Variants in GNAL observed in about 807,000 individuals in gnomAD.
GNAL encodes the protein G protein subunit alpha L, also known as guanine nucleotide-binding protein G(olf) subunit alpha.
A neutral mutation model predicts 55.1 loss-of-function variants in GNAL; 18 were observed. The ratio of observed to expected loss-of-function variants is 0.33; its 90% CI spans 0.23 to 0.48. The LOEUF (loss-of-function observed/expected upper bound fraction) is 0.48. GNAL is among the 20% of genes least tolerant of loss of function. GNAL has a pLI of 0.99. For synonymous variants in GNAL, 253 were observed against 237.0 expected (o/e 1.07, Z -0.62); for missense variants, 412 against 614.1 (o/e 0.67, Z 3.48).
chr18:11,827,942 G>A (rs9963630), intron 5 of GNAL, among the ~76,000 whole-genome samples: 45,077 of 149,144 alleles, frequency 0.3, 8,067 homozygotes, highest in African/African-American at 0.5. Flanking sequence ...CTGCACTCCA[G>A]CCTGGGCGAC....
chr18:11,804,674 G>A (rs879628750), intron 4 of GNAL, among the ~76,000 whole-genome samples: 4 of 106,872 alleles, frequency 3.7e-5, no homozygotes, highest in Admixed American at 8.5e-5. Flanking sequence ...GTACAGGTGC[G>A]GTTTGGATGG....
At chr18:11,763,220 G>T (rs1273284819) in intron 4 of GNAL, among the ~76,000 whole-genome samples, 1 of 152,002 alleles carries the variant, frequency 6.6e-6, no homozygotes, top group East Asian at 1.9e-4. Flanking sequence ...CTAATGTGTG[G>T]CCACATTCAT....
At chr18:11,788,934 TATAC>T (rs1485888734) in intron 4 of GNAL, among the ~76,000 whole-genome samples, 212 of 135,482 alleles carry the variant, frequency 1.6e-3, no homozygotes, top group Middle Eastern at 0.012. Flanking sequence ...TATATATATA[TATAC>T]ACATATATAT....
At chr18:11,774,028 T>G (rs2033709879) in intron 4 of GNAL, among the ~76,000 whole-genome samples, 1 of 152,174 alleles carries the variant, frequency 6.6e-6, no homozygotes. Context: ...TGAAGCTTTT[T>G]GGGGGAATTA....
At chr18:11,798,975 C>T (rs1013955821) in intron 4 of GNAL, among the ~76,000 whole-genome samples, 5 of 151,868 alleles carry the variant, frequency 3.3e-5, no homozygotes, top group African/African-American at 7.3e-5. Flanking sequence ...TAGCTGTGCA[C>T]GGTGACGCAC....
At chr18:11,843,240 T>C (rs951376602) in intron 5 of GNAL, among the ~76,000 whole-genome samples, 3 of 151,810 alleles carry the variant, frequency 2.0e-5, no homozygotes, top group African/African-American at 7.3e-5. Context: ...GGCTCACGCC[T>C]GTAATCCTAG....
rs1203783633 is a variant in GNAL, at chr18:11,802,863, G to C, written c.625-22055G>C. Among the ~76,000 whole-genome samples the C allele has an allele frequency of 2.6e-5, 4 of 152,220 alleles. No individual in the cohort carries two copies. The East Asian group carries it at 7.8e-4, about 30-fold the overall frequency. On this transcript the variant is annotated intron_variant, in intron 4 of 11. Transcript: ENST00000334049. Reference sequence around the variant, plus strand: ...TGAGCAGAAGCTGGTAGAAGGGAAGGGCACGGCAGTGGCCCAAGGAGGCAG... The same window carrying C: ...TGAGCAGAAGCTGGTAGAAGGGAAGCGCACGGCAGTGGCCCAAGGAGGCAG...
intron 6 of GNAL, among the ~76,000 whole-genome samples, chr18:11,862,707 C>G (rs1323517388): frequency 6.6e-6 from 1 of 152,026 alleles, no homozygotes; most frequent in Non-Finnish European, 1.5e-5. Flanking sequence ...ATATGCCGTT[C>G]CTTTTCCTCC....
intron 5 of GNAL, among the ~76,000 whole-genome samples, chr18:11,832,808 C>T (rs1053850545): frequency 6.6e-6 from 1 of 151,316 alleles, no homozygotes; most frequent in African/African-American, 2.4e-5. Flanking sequence ...TTCAGTGAGC[C>T]GAGACCACGC....
At chr18:11,760,919 C>G (rs1382264408) in intron 4 of GNAL, among the ~76,000 whole-genome samples, 1 of 152,210 alleles carries the variant, frequency 6.6e-6, no homozygotes, top group Admixed American at 6.5e-5. Context: ...GAGATGATGG[C>G]AACACCTACT....
At chr18:11,841,115 C>A (rs2035604723) in intron 5 of GNAL, among the ~76,000 whole-genome samples, 1 of 152,066 alleles carries the variant, frequency 6.6e-6, no homozygotes. Flanking sequence ...CTCAAGCAAC[C>A]TGCCCACCTC....
At chr18:11,864,495 T>C in intron 6 of GNAL, 38 bp from the exon 7 acceptor site, 1 of 998,972 alleles carries the variant, frequency 1.0e-6, no homozygotes, top group Non-Finnish European at 1.6e-6. Flanking sequence ...AGAAGAACAG[T>C]AATGTAACTC....
chr18:11,781,310 G>A (rs542645395), intron 4 of GNAL, among the ~76,000 whole-genome samples: 2 of 152,242 alleles, frequency 1.3e-5, no homozygotes, highest in South Asian at 4.1e-4. Context: ...AATTTCCTTT[G>A]TATTACCCAA....
intron 4 of GNAL, among the ~76,000 whole-genome samples, chr18:11,791,665 G>C (rs2034241614): frequency 6.6e-6 from 1 of 152,176 alleles, no homozygotes; most frequent in South Asian, 2.1e-4. Flanking sequence ...CTTTATATTA[G>C]AGAATAACAG....
chr18:11,807,473 C>T (rs1331265870), intron 4 of GNAL, among the ~76,000 whole-genome samples: 2 of 152,202 alleles, frequency 1.3e-5, no homozygotes, highest in Admixed American at 6.5e-5. Context: ...AAGAGTATTT[C>T]CTTAAAGATC....
At chr18:11,880,861 A>T in intron 11 of GNAL, 128 bp from the exon 12 acceptor site, 1 of 915,974 alleles carries the variant, frequency 1.1e-6, no homozygotes, top group Non-Finnish European at 1.7e-6. Context: ...CCTGCCTCTA[A>T]GTGCTCCCAT....
chr18:11,749,422 A>C (rs769692081), intron 1 of GNAL, among the ~76,000 whole-genome samples: 1 of 152,228 alleles, frequency 6.6e-6, no homozygotes, highest in Non-Finnish European at 1.5e-5. Flanking sequence ...ATATTGAACA[A>C]ATATTTTTTA....
At chr18:11,706,695 A>G (rs1045085308) in intron 1 of GNAL, among the ~76,000 whole-genome samples, 1 of 152,212 alleles carries the variant, frequency 6.6e-6, no homozygotes, top group Non-Finnish European at 1.5e-5. Context: ...CATCTTCACC[A>G]GGAGAACATT....
chr18:11,730,555 G>A (rs954423988), intron 1 of GNAL, among the ~76,000 whole-genome samples: 2 of 151,860 alleles, frequency 1.3e-5, no homozygotes, highest in African/African-American at 4.8e-5. Context: ...CCTGAGGTCA[G>A]GAGTTCGAGA....
Sources: gnomAD v4.1 joint callset for allele counts (sites outside exome capture counted in the v4.1 genomes callset) on GRCh38, gnomAD v4.1.1 for gene constraint, MANE v1.5 for transcripts, NCBI Gene and HGNC (gene_info 2026-07-23, HGNC 2026-07-21) for gene names.